Variants in ZNF208 observed in about 807,000 individuals in gnomAD.
ZNF208 encodes zinc finger protein 208, also known as zinc finger protein 95.
In ZNF208, 10 loss-of-function variants were observed where a neutral mutation model predicts 12.1. The ratio of observed to expected loss-of-function variants is 0.83; its 90% CI spans 0.51 to 1.40. ZNF208 has a LOEUF of 1.40. ZNF208 is among the 40% of genes most tolerant of loss of function. The pLI is 0.00. For synonymous variants in ZNF208, 497 were observed against 488.4 expected, an observed-to-expected ratio of 1.02 and a Z score of -0.23; for missense variants, 1,652 against 1,485.0, an observed-to-expected ratio of 1.11 and a Z score of -1.85.
rs1431169406 is a variant in ZNF208, at chr19:21,971,371, T to A, written c.3663A>T (p.Gly1221=). The A allele has an allele frequency of 1.9e-6, 3 of 1,610,232 alleles. No individual in the cohort carries two copies. Among genetic ancestry groups the A allele is most frequent in the Non-Finnish European group, 8.5e-7 (1 of 1,179,370 alleles). Residue 1221 remains glycine (G), a synonymous_variant, in exon 4 of 4, where the codon GGA becomes GGT. Coordinates refer to ENST00000397126, the MANE Select transcript of ZNF208 (RefSeq NM_007153.3). ...TLRYHKKIHT[G]EKPYKCEECG... ...ATTCTTCACATTTGTAGGGTTTCTC[T>A]CCAGTATGAATTTTCTTGTGATATC...
chr19:21,997,019 C>T (rs911997884), intron 1 of ZNF208, among the ~76,000 whole-genome samples: 13 of 152,116 alleles, frequency 8.5e-5, no homozygotes, highest in Non-Finnish European at 1.3e-4. Context: ...TAGTTGGCAC[C>T]TTATGTGTTT....
chr19:21,956,487 C>A (rs1329503665), intron 4 of ZNF208, among the ~76,000 whole-genome samples: 1 of 152,210 alleles, frequency 6.6e-6, no homozygotes, highest in East Asian at 1.9e-4. Flanking sequence ...GGGCTCCACC[C>A]AGTTTGAGGT....
chr19:21,993,400 A>G (rs1393543749), intron 1 of ZNF208, among the ~76,000 whole-genome samples: 1 of 152,120 alleles, frequency 6.6e-6, no homozygotes, highest in Non-Finnish European at 1.5e-5. Context: ...GAGCCACTTA[A>G]TTAAAACAAC....
chr19:22,008,021 A>G (rs538868965), intron 1 of ZNF208, among the ~76,000 whole-genome samples: 2 of 135,786 alleles, frequency 1.5e-5, no homozygotes, highest in East Asian at 4.5e-4. Flanking sequence ...AAAAAAAAAA[A>G]GGGCCGGGCG....
rs758544651 is a variant in ZNF208, at chr19:21,971,303, TTA to T, written c.3729_3730del (p.His1243GlnfsTer13). ...GGGTTTCTCTCCAGTATGAATTACC[TTA>T]TGTTTAGTGAGGATTGAGAACGTAC... is the stretch of plus-strand genomic sequence containing the variant. On this transcript the variant is annotated frameshift_variant, in exon 4 of 4. Transcript: ENST00000397126. LOFTEE classifies it low-confidence loss of function (END_TRUNC). 6.2e-7 allele frequency: 1 copy of T among 1,612,028 alleles called. No individual in the cohort carries two copies. The highest frequency in any genetic ancestry group is 8.5e-7 in the Non-Finnish European group (1 of 1,179,926).
At chr19:21,963,446 C>T (rs1460553240), downstream of ZNF208, among the ~76,000 whole-genome samples, 1 of 151,924 alleles carries the variant, frequency 6.6e-6, no homozygotes, top group Admixed American at 6.6e-5. Context: ...TAACCATGTT[C>T]CCAGTAATTA....
intron 4 of ZNF208, among the ~76,000 whole-genome samples, chr19:21,951,210 TAACC>T (rs1969882355): frequency 6.6e-6 from 1 of 152,204 alleles, no homozygotes; most frequent in Non-Finnish European, 1.5e-5. Flanking sequence ...CATATTAAAG[TAACC>T]ATGCCCCTAA....
intron 4 of ZNF208, among the ~76,000 whole-genome samples, chr19:21,955,154 T>G (rs1282724310): frequency 6.6e-6 from 1 of 152,246 alleles, no homozygotes; most frequent in Admixed American, 6.5e-5. Context: ...ATGTTGAATA[T>G]TGGCCCCCAT....
chr19:22,001,175 C>G lies in ZNF208; in HGVS notation c.3+9617G>C, dbSNP rs567212572. Reference sequence around the variant, plus strand: ...TGGTGCATGCCTGTAATCTCAGCTACTCGGGAGGCTGAGGCAGGAGAATTG... The same window carrying G: ...TGGTGCATGCCTGTAATCTCAGCTAGTCGGGAGGCTGAGGCAGGAGAATTG... On this transcript the variant is annotated intron_variant, in intron 1 of 3. Coordinates refer to ENST00000397126, the MANE Select transcript of ZNF208 (RefSeq NM_007153.3). Among the ~76,000 whole-genome samples, 8 of 152,252 alleles carry G rather than the reference C, an allele frequency of 5.3e-5. No homozygotes were observed. The South Asian group carries it at 1.0e-3, about 20-fold the overall frequency.
chr19:21,964,321 C>A (rs1027754658), downstream of ZNF208, among the ~76,000 whole-genome samples: 2 of 151,642 alleles, frequency 1.3e-5, no homozygotes, highest in African/African-American at 4.8e-5. Flanking sequence ...GAACCCAGCA[C>A]TCAGAAATAG....
intron 1 of ZNF208, among the ~76,000 whole-genome samples, chr19:22,004,862 C>T (rs1479215624): frequency 6.6e-6 from 1 of 152,118 alleles, no homozygotes; most frequent in Non-Finnish European, 1.5e-5. Flanking sequence ...ACTCCCATGA[C>T]ATAATTTTAG....
At chr19:21,954,731 T>C (rs1969945643) in intron 4 of ZNF208, among the ~76,000 whole-genome samples, 1 of 152,214 alleles carries the variant, frequency 6.6e-6, no homozygotes, top group East Asian at 1.9e-4. Context: ...TGTGTGTCTC[T>C]GCAGGTGAGA....
intron 3 of ZNF208, among the ~76,000 whole-genome samples, chr19:21,983,445 G>A (rs765140933): frequency 9.2e-5 from 14 of 152,118 alleles, no homozygotes; most frequent in Non-Finnish European, 1.8e-4. Flanking sequence ...ACAATGTGGC[G>A]ATTCCTCAAG....
intron 1 of ZNF208, among the ~76,000 whole-genome samples, chr19:22,003,801 G>A (rs756125142): frequency 2.0e-5 from 3 of 151,974 alleles, no homozygotes; most frequent in African/African-American, 7.3e-5. Context: ...GCACAATCAC[G>A]TTCATTGCAG....
At chr19:21,951,745 G>A (rs1437023829) in intron 4 of ZNF208, among the ~76,000 whole-genome samples, 1 of 152,182 alleles carries the variant, frequency 6.6e-6, no homozygotes, top group Non-Finnish European at 1.5e-5. Context: ...AAGATGATGG[G>A]TGATTTCTGC....
At chr19:21,994,406 T>C (rs1970793118) in intron 1 of ZNF208, among the ~76,000 whole-genome samples, 1 of 152,154 alleles carries the variant, frequency 6.6e-6, no homozygotes, top group South Asian at 2.1e-4. Context: ...TGATCTCTTC[T>C]AATCGGTTCT....
intron 4 of ZNF208, among the ~76,000 whole-genome samples, chr19:21,947,330 T>G (rs1430900350): frequency 6.6e-6 from 1 of 152,230 alleles, no homozygotes; most frequent in African/African-American, 2.4e-5. Flanking sequence ...AACAGTTCCT[T>G]TATGAGACAA....
intron 1 of ZNF208, among the ~76,000 whole-genome samples, chr19:21,990,578 T>A (rs1970714629): frequency 6.6e-6 from 1 of 152,154 alleles, no homozygotes. Context: ...TGATGCAGGC[T>A]CTTTTTTGGT....
chr19:21,997,591 C>G (rs138562520), intron 1 of ZNF208: 2,950 of 152,386 alleles, frequency 0.019, 36 homozygotes, highest in Middle Eastern at 0.044. Flanking sequence ...GGGCTCACAG[C>G]TGGAAACTCA....
Sources: allele counts gnomAD v4.1 joint callset (sites outside exome capture counted in the v4.1 genomes callset), GRCh38; gene constraint gnomAD v4.1.1; transcripts MANE v1.5; gene names NCBI Gene and HGNC (gene_info 2026-07-23, HGNC 2026-07-21).